The following NALF1 variants were observed in gnomAD, a reference collection of about 807,000 sequenced individuals.
NALF1 encodes NALCN channel auxiliary factor 1, also known as family with sequence similarity 155 member A.
NALF1 carries 3 observed loss-of-function variants against 48.4 expected under a neutral mutation model. The observed-to-expected ratio is 0.06, with a 90% CI of 0.03 to 0.16. The LOEUF (loss-of-function observed/expected upper bound fraction) is 0.16, where lower values mean the gene tolerates loss of function less well. Ranked by LOEUF, NALF1 falls within the 10% of genes least tolerant of loss-of-function variation. The pLI, the probability that NALF1 is intolerant of heterozygous loss-of-function variation, is 1.00. For synonymous variants in NALF1, 262 were observed against 245.7 expected (o/e 1.07, Z -0.62); for missense variants, 526 against 571.5 (o/e 0.92, Z 0.81).
At chr13:107,455,921 C>T (rs1415618475) in intron 1 of NALF1, among the ~76,000 whole-genome samples, 1 of 151,832 alleles carries the variant, frequency 6.6e-6, no homozygotes. Context: ...ACAGTTTACC[C>T]ATTGAAAGGT....
At chr13:107,646,657 T>C (rs1002501489) in intron 1 of NALF1, among the ~76,000 whole-genome samples, 1 of 152,176 alleles carries the variant, frequency 6.6e-6, no homozygotes, top group Admixed American at 6.6e-5. Context: ...GTTTGATTTC[T>C]AATATAAAAT....
At chr13:107,186,481 C>T (rs1016365588) in intron 2 of NALF1, among the ~76,000 whole-genome samples, 9 of 152,160 alleles carry the variant, frequency 5.9e-5, no homozygotes, top group African/African-American at 2.2e-4. Context: ...GATTCTCTTG[C>T]CTCAGCCTCC....
chr13:107,639,349 C>A (rs1480603717), intron 1 of NALF1, among the ~76,000 whole-genome samples: 1 of 152,122 alleles, frequency 6.6e-6, no homozygotes, highest in East Asian at 1.9e-4. Flanking sequence ...ACTCACCTTC[C>A]TTTCTCCCCG....
intron 1 of NALF1, among the ~76,000 whole-genome samples, chr13:107,243,529 A>C (rs755235400): frequency 6.6e-6 from 1 of 152,218 alleles, no homozygotes; most frequent in Non-Finnish European, 1.5e-5. Context: ...ACCTAGGACC[A>C]AGTCAAGACC....
intron 1 of NALF1, among the ~76,000 whole-genome samples, chr13:107,600,562 A>G (rs1375302221): frequency 1.3e-5 from 2 of 152,216 alleles, no homozygotes; most frequent in African/African-American, 4.8e-5. Flanking sequence ...CTTACTCCAC[A>G]AACTGAGATA....
chr13:107,787,075 C>G (rs1878097487), intron 1 of NALF1, among the ~76,000 whole-genome samples: 2 of 152,178 alleles, frequency 1.3e-5, no homozygotes, highest in Non-Finnish European at 2.9e-5. Context: ...TCTCCTACAC[C>G]TACTCCTGAC....
rs1491047738 is a variant in NALF1, at chr13:107,794,575, AAG to A, written c.915+71105_915+71106del. Among the ~76,000 whole-genome samples the A allele has an allele frequency of 9.9e-5, 15 of 151,798 alleles. No individual in the cohort carries two copies. In the South Asian group the frequency reaches 2.5e-3, roughly 25 times the overall value. On this transcript the variant is annotated intron_variant, in intron 1 of 2. Coordinates refer to ENST00000375915, the MANE Select transcript of NALF1 (RefSeq NM_001080396.3). The stretch of plus-strand genomic sequence containing the variant: ...TTCACCCACCAAAAAAAGAAAAAAA[AAG>A]AATCCTATTAACACCTGATATGCAA...
intron 1 of NALF1, among the ~76,000 whole-genome samples, chr13:107,780,728 T>C (rs1438778412): frequency 6.6e-6 from 1 of 152,018 alleles, no homozygotes; most frequent in Admixed American, 6.6e-5. Flanking sequence ...GGTCAGGAGT[T>C]TGAGACCAGC....
chr13:107,771,847 C>G (rs1877585921), intron 1 of NALF1, among the ~76,000 whole-genome samples: 1 of 152,082 alleles, frequency 6.6e-6, no homozygotes, highest in African/African-American at 2.4e-5. Flanking sequence ...AGTGATTCTC[C>G]TGCCTCAGCC....
At chr13:107,236,721 CTATCT>C (rs769919175) in intron 1 of NALF1, among the ~76,000 whole-genome samples, 3 of 148,396 alleles carry the variant, frequency 2.0e-5, no homozygotes, top group Non-Finnish European at 1.5e-5. Context: ...ATCTATCTAT[CTATCT>C]ATCTATCTAT....
At chr13:107,809,301 A>T (rs1878913148) in intron 1 of NALF1, among the ~76,000 whole-genome samples, 3 of 152,028 alleles carry the variant, frequency 2.0e-5, no homozygotes, top group African/African-American at 7.2e-5. Context: ...CTCAAGCCAC[A>T]TCATCCCTCC....
chr13:107,790,468 T>G (rs1313308120), intron 1 of NALF1, among the ~76,000 whole-genome samples: 1 of 152,216 alleles, frequency 6.6e-6, no homozygotes, highest in East Asian at 1.9e-4. Flanking sequence ...AAATCTGTTC[T>G]GTAAGTAATC....
chr13:107,214,063 TG>T, intron 1 of NALF1, among the ~76,000 whole-genome samples: 1 of 152,220 alleles, frequency 6.6e-6, no homozygotes, highest in Non-Finnish European at 1.5e-5. Flanking sequence ...TATCTTCAAA[TG>T]TGCCGAGTTC....
At chr13:107,687,680 T>C (rs1881469142) in intron 1 of NALF1, among the ~76,000 whole-genome samples, 2 of 152,206 alleles carry the variant, frequency 1.3e-5, no homozygotes. Context: ...CACTGTTCAA[T>C]ACTGTGGGCA....
chr13:107,337,843 G>C (rs1353273652), intron 1 of NALF1, among the ~76,000 whole-genome samples: 3 of 152,064 alleles, frequency 2.0e-5, no homozygotes, highest in African/African-American at 7.2e-5. Context: ...AGCCTCTATT[G>C]TCTTATCTGT....
intron 1 of NALF1, among the ~76,000 whole-genome samples, chr13:107,621,352 G>A (rs764802212): frequency 5.9e-5 from 9 of 152,136 alleles, no homozygotes; most frequent in Non-Finnish European, 1.2e-4. Flanking sequence ...TTTTATTAAT[G>A]ACAATGTTAA....
At chr13:107,512,936 A>G (rs964514661) in intron 1 of NALF1, among the ~76,000 whole-genome samples, 1 of 152,148 alleles carries the variant, frequency 6.6e-6, no homozygotes, top group African/African-American at 2.4e-5. Flanking sequence ...TCAATACCCC[A>G]AAAGACTAAA....
At chr13:107,295,389 A>G (rs1271845005) in intron 1 of NALF1, among the ~76,000 whole-genome samples, 1 of 152,206 alleles carries the variant, frequency 6.6e-6, no homozygotes, top group Non-Finnish European at 1.5e-5. Context: ...CTAATCCACC[A>G]TTGATGGACG....
intron 1 of NALF1, among the ~76,000 whole-genome samples, chr13:107,533,210 G>C (rs1594114604): frequency 6.6e-6 from 1 of 152,070 alleles, no homozygotes; most frequent in Non-Finnish European, 1.5e-5. Flanking sequence ...GTGACTGTTA[G>C]AAACATTTAT....
Sources: allele counts gnomAD v4.1 joint callset (sites outside exome capture counted in the v4.1 genomes callset), GRCh38; gene constraint gnomAD v4.1.1; transcripts MANE v1.5; gene names NCBI Gene and HGNC (gene_info 2026-07-23, HGNC 2026-07-21).